CPED1: variants seen among roughly 807,000 people sequenced by gnomAD.
CPED1 encodes cadherin like and PC-esterase domain containing 1.
Under a neutral mutation model 128.2 loss-of-function variants are expected in CPED1, and 114 were observed. The ratio of observed to expected loss-of-function variants is 0.89; its 90% CI spans 0.76 to 1.04. The LOEUF is 1.04. Ranked by LOEUF, CPED1 falls within the 50% of genes least tolerant of loss-of-function variation. CPED1 has a pLI of 0.00. For missense variants in CPED1, 1,211 were observed against 1,207.1 expected (o/e 1.00, Z -0.05); for synonymous variants, 462 against 426.7 (o/e 1.08, Z -1.02).
chr7:121,118,192 A>G (rs999441232), intron 7 of CPED1, among the ~76,000 whole-genome samples: 1 of 152,184 alleles, frequency 6.6e-6, no homozygotes, highest in African/African-American at 2.4e-5. Flanking sequence ...TATATTTAAA[A>G]TATTAATACT....
chr7:121,173,254 T>C (rs1185826728), intron 16 of CPED1, among the ~76,000 whole-genome samples: 1 of 151,994 alleles, frequency 6.6e-6, no homozygotes, highest in Admixed American at 6.6e-5. Flanking sequence ...CCCCACTTTA[T>C]TTTTTTTAAC....
At position 121,056,975 on chromosome 7, in the gene CPED1, T is replaced by C. The variant is rs868798543; in HGVS notation, c.541-7263T>C. Among the ~76,000 whole-genome samples the C allele has an allele frequency of 6.7e-5, 4 of 59,806 alleles. No individual in the cohort carries two copies. In the Middle Eastern group the frequency reaches 0.029, roughly 431 times the overall value. 39.2% of individuals were successfully genotyped at this position (59,806 alleles called of 152,430 possible). Reference sequence around the variant, plus strand: ...AAATATACAACACATGCTCTCTATTTTTTCTTTTTTCTTTTTTTTTGAGAT... The same window carrying C: ...AAATATACAACACATGCTCTCTATTCTTTCTTTTTTCTTTTTTTTTGAGAT... On this transcript the variant is annotated intron_variant, in intron 4 of 22. Coordinates refer to ENST00000310396, the MANE Select transcript of CPED1 (RefSeq NM_024913.5).
At chr7:121,037,302 A>C (rs1002043078) in intron 3 of CPED1, among the ~76,000 whole-genome samples, 2 of 151,998 alleles carry the variant, frequency 1.3e-5, no homozygotes, top group Admixed American at 6.6e-5. Flanking sequence ...ATTCATCTTG[A>C]GTTGATTTTT....
chr7:121,260,086 A>G (rs1254248231), intron 18 of CPED1, among the ~76,000 whole-genome samples: 1 of 151,816 alleles, frequency 6.6e-6, no homozygotes, highest in African/African-American at 2.4e-5. Flanking sequence ...GGAAATGATG[A>G]CTTACACATG....
chr7:121,235,338 C>G (rs1318727203), intron 16 of CPED1, among the ~76,000 whole-genome samples: 2 of 152,076 alleles, frequency 1.3e-5, no homozygotes, highest in Non-Finnish European at 2.9e-5. Context: ...TAGTCAGTAT[C>G]TTAAACTCCA....
chr7:121,004,229 TGAATGCCAAG>T, intron 2 of CPED1, among the ~76,000 whole-genome samples: 1 of 152,302 alleles, frequency 6.6e-6, no homozygotes, highest in East Asian at 1.9e-4. Flanking sequence ...TACATGCATC[TGAATGCCAAG>T]GGGAGAAGGC....
intron 7 of CPED1, among the ~76,000 whole-genome samples, chr7:121,105,212 C>G (rs1234366250): frequency 6.6e-6 from 1 of 152,000 alleles, no homozygotes; most frequent in African/African-American, 2.4e-5. Flanking sequence ...GCATATATCC[C>G]TTATTCATTT....
intron 16 of CPED1, among the ~76,000 whole-genome samples, chr7:121,199,626 G>A (rs1316963959): frequency 6.0e-5 from 8 of 133,592 alleles, no homozygotes; most frequent in African/African-American, 2.0e-4. Context: ...GCAGTGATCC[G>A]AGATCATGCC....
chr7:121,129,454 A>C (rs1342914041), intron 11 of CPED1, among the ~76,000 whole-genome samples: 1 of 150,824 alleles, frequency 6.6e-6, no homozygotes, highest in Non-Finnish European at 1.5e-5. Flanking sequence ...GAGGATTCAG[A>C]GTAAGCTAAT....
Position 120,989,682 on chromosome 7 carries a change from G to A in CPED1, c.61G>A (p.Gly21Ser), listed in dbSNP as rs1365217819. 6.2e-7 allele frequency: 1 copy of A among 1,613,958 alleles called. No homozygotes were observed. The highest frequency in any genetic ancestry group is 8.5e-7 in the Non-Finnish European group (1 of 1,179,998). The part of the protein sequence containing the change: ...RRFCPRPFLV[G>S]LVVAICLFYQ... ...ATTTTGCCCCCGACCCTTCTTGGTG[G>A]GCTTAGTGGTGGCAATCTGTCTCTT... Residue 21 changes from glycine to serine, a missense_variant, in exon 2 of 23, where the codon GGC becomes AGC. Physicochemically the swap from Gly to Ser is moderately conservative, Grantham distance 56. Coordinates refer to ENST00000310396, the MANE Select transcript of CPED1 (RefSeq NM_024913.5).
intron 16 of CPED1, among the ~76,000 whole-genome samples, chr7:121,172,281 A>G (rs758021407): frequency 2.0e-5 from 3 of 152,234 alleles, no homozygotes; most frequent in Non-Finnish European, 4.4e-5. Flanking sequence ...TGATTTTTCT[A>G]TAAAACTAGT....
chr7:121,218,396 C>G (rs1797807191), intron 16 of CPED1, among the ~76,000 whole-genome samples: 1 of 151,984 alleles, frequency 6.6e-6, no homozygotes, highest in African/African-American at 2.4e-5. Context: ...TAGTGCCACT[C>G]AAGCATAACA....
chr7:121,230,225 G>C (rs1310446036), intron 16 of CPED1, among the ~76,000 whole-genome samples: 1 of 151,958 alleles, frequency 6.6e-6, no homozygotes, highest in Admixed American at 6.6e-5. Flanking sequence ...AAGAAATCAA[G>C]AAGAGAAAGT....
At chr7:121,222,310 T>C (rs890673469) in intron 16 of CPED1, among the ~76,000 whole-genome samples, 2 of 152,162 alleles carry the variant, frequency 1.3e-5, no homozygotes, top group East Asian at 1.9e-4. Flanking sequence ...GTTCCACTGG[T>C]CTATATCTCT....
At chr7:121,186,361 T>C (rs937162278) in intron 16 of CPED1, among the ~76,000 whole-genome samples, 5 of 152,182 alleles carry the variant, frequency 3.3e-5, no homozygotes, top group African/African-American at 9.6e-5. Context: ...ATTTGAATGT[T>C]GTGTGTGGGA....
chr7:121,085,850 T>C (rs1411813258), intron 5 of CPED1, among the ~76,000 whole-genome samples: 1 of 152,226 alleles, frequency 6.6e-6, no homozygotes, highest in Non-Finnish European at 1.5e-5. Context: ...TGGGGGGTTG[T>C]CATGGTGTGT....
At chr7:121,146,169 G>A (rs1319154856) in intron 16 of CPED1, among the ~76,000 whole-genome samples, 2 of 152,066 alleles carry the variant, frequency 1.3e-5, no homozygotes, top group African/African-American at 2.4e-5. Context: ...CCGGCCTTTG[G>A]TGTCTGGTGA....
chr7:121,009,359 T>A (rs1792102833), intron 2 of CPED1, among the ~76,000 whole-genome samples: 1 of 152,036 alleles, frequency 6.6e-6, no homozygotes. Flanking sequence ...ATCCCAGCAT[T>A]TTGAGAGGCT....
At chr7:121,047,577 C>T (rs1295416586) in intron 4 of CPED1, among the ~76,000 whole-genome samples, 1 of 151,716 alleles carries the variant, frequency 6.6e-6, no homozygotes, top group African/African-American at 2.4e-5. Flanking sequence ...TTATACAGTC[C>T]CTAACTGGAG....
Sources: gnomAD v4.1 joint callset for allele counts (sites outside exome capture counted in the v4.1 genomes callset) on GRCh38, gnomAD v4.1.1 for gene constraint, MANE v1.5 for transcripts, NCBI Gene and HGNC (gene_info 2026-07-23, HGNC 2026-07-21) for gene names.